AKAP6: variants seen among roughly 807,000 people sequenced by gnomAD.
AKAP6 encodes the protein A-kinase anchoring protein 6.
In AKAP6, 58 loss-of-function variants were observed where a neutral mutation model predicts 188.5. The observed-to-expected ratio is 0.31, with a 90% CI of 0.25 to 0.38. The LOEUF (loss-of-function observed/expected upper bound fraction) is 0.38. Among genes scored for constraint, AKAP6 ranks in the 10% least tolerant of loss-of-function variants. The pLI is 1.00. For missense variants in AKAP6, 2,710 were observed against 2,740.0 expected (o/e 0.99, Z 0.24); for synonymous variants, 989 against 998.6 (o/e 0.99, Z 0.18).
At chr14:32,591,965 A>G (rs1388168798) in intron 5 of AKAP6, among the ~76,000 whole-genome samples, 1 of 152,212 alleles carries the variant, frequency 6.6e-6, no homozygotes, top group East Asian at 1.9e-4. Context: ...TTACATGGCA[A>G]TTACGCTGGG....
At chr14:32,784,530 T>C (rs1009015771) in intron 12 of AKAP6, among the ~76,000 whole-genome samples, 2 of 152,182 alleles carry the variant, frequency 1.3e-5, no homozygotes, top group Non-Finnish European at 2.9e-5. Context: ...ATTAGTTTTG[T>C]TTGTCTAACT....
chr14:32,628,739 A>G (rs1887131019), intron 7 of AKAP6, among the ~76,000 whole-genome samples: 1 of 151,346 alleles, frequency 6.6e-6, no homozygotes, highest in Non-Finnish European at 1.5e-5. Flanking sequence ...GAAATAGAAA[A>G]AAAGTCCAAA....
chr14:32,394,468 G>A (rs1888809842), intron 1 of AKAP6, among the ~76,000 whole-genome samples: 1 of 152,320 alleles, frequency 6.6e-6, no homozygotes, highest in East Asian at 1.9e-4. Context: ...TGGAACATCA[G>A]TGTCAGAGTC....
At chr14:32,764,917 T>C (rs2032660979) in intron 11 of AKAP6, among the ~76,000 whole-genome samples, 1 of 151,718 alleles carries the variant, frequency 6.6e-6, no homozygotes, top group Non-Finnish European at 1.5e-5. Context: ...GGCTATTATT[T>C]TGCATTCAAG....
At chr14:32,653,912 G>T (rs1174015890) in intron 7 of AKAP6, among the ~76,000 whole-genome samples, 1 of 152,084 alleles carries the variant, frequency 6.6e-6, no homozygotes. Flanking sequence ...AGTTGAATGA[G>T]TGGCACTTTC....
chr14:32,352,095 G>GTATGTT (rs1434389166), intron 1 of AKAP6, among the ~76,000 whole-genome samples: 51 of 114,830 alleles, frequency 4.4e-4, no homozygotes, highest in South Asian at 1.5e-3. Context: ...GTGTGTGTGT[G>GTATGTT]TGTGTGTTTG....
At chr14:32,611,340 G>A (rs1489020705) in intron 7 of AKAP6, among the ~76,000 whole-genome samples, 1 of 152,176 alleles carries the variant, frequency 6.6e-6, no homozygotes, top group Non-Finnish European at 1.5e-5. Flanking sequence ...CCTGGGCATA[G>A]ATATTTTTGT....
At chr14:32,593,093 T>G (rs1174574393) in intron 5 of AKAP6, among the ~76,000 whole-genome samples, 1 of 151,244 alleles carries the variant, frequency 6.6e-6, no homozygotes, top group Non-Finnish European at 1.5e-5. Context: ...AGGGACCATG[T>G]CTATCTTGTT....
At position 32,821,960 on chromosome 14, in the gene AKAP6, C is replaced by A; in HGVS notation, c.4147C>A (p.Leu1383Ile). ...CACTACCAACTCTGAAATGTGCTTG[C>A]TCAATGCAGTGGATGGGTCCCCAAG... ...ETTTNSEMCL[L>I]NAVDGSPSNL... Residue 1383 changes from leucine (L) to isoleucine (I), a missense_variant, in exon 13 of 14, where the codon CTC becomes ATC. Leu to Ile is a conservative substitution (Grantham distance 5). Around this residue, in one of 2 missense-constraint regions of AKAP6, gnomAD observed 2,473 missense variants for 2,426.1 expected, o/e 1.02. Coordinates refer to ENST00000280979, the MANE Select transcript of AKAP6 (RefSeq NM_004274.5). 5 of 1,613,984 alleles carry A rather than the reference C, an allele frequency of 3.1e-6. No individual in the cohort carries two copies. Among genetic ancestry groups the A allele is most frequent in the Non-Finnish European group, 4.2e-6 (5 of 1,179,948 alleles).
At chr14:32,602,902 A>G (rs1405415253) in intron 7 of AKAP6, among the ~76,000 whole-genome samples, 1 of 152,194 alleles carries the variant, frequency 6.6e-6, no homozygotes. Context: ...GGCACTGCTC[A>G]GGGCCAAGTG....
intron 3 of AKAP6, among the ~76,000 whole-genome samples, chr14:32,537,733 AGCTGGAG>A: frequency 3.3e-5 from 5 of 152,208 alleles, no homozygotes; most frequent in Admixed American, 1.3e-4. Flanking sequence ...CTGTTGTAGG[AGCTGGAG>A]ATATAGCAGT....
At chr14:32,592,175 T>G (rs1594768530) in intron 5 of AKAP6, among the ~76,000 whole-genome samples, 1 of 152,224 alleles carries the variant, frequency 6.6e-6, no homozygotes, top group African/African-American at 2.4e-5. Flanking sequence ...CATGCATTCA[T>G]TTCCCTGAAC....
chr14:32,770,798 C>G (rs1424419899), intron 11 of AKAP6, among the ~76,000 whole-genome samples: 5 of 152,176 alleles, frequency 3.3e-5, no homozygotes, highest in African/African-American at 4.8e-5. Flanking sequence ...CCAGTAGACT[C>G]TCAACTCCTT....
chr14:32,727,849 T>G (rs2139813196), intron 9 of AKAP6, among the ~76,000 whole-genome samples: 1 of 152,334 alleles, frequency 6.6e-6, no homozygotes, highest in South Asian at 2.1e-4. Context: ...TAACAACTAT[T>G]ATTTGTCTTG....
At chr14:32,797,796 AC>A (rs1040619535) in intron 12 of AKAP6, among the ~76,000 whole-genome samples, 2 of 152,114 alleles carry the variant, frequency 1.3e-5, no homozygotes, top group Non-Finnish European at 2.9e-5. Flanking sequence ...GAAAAAAAAA[AC>A]AACCCTAGAA....
At chr14:32,770,195 T>G (rs979767689) in intron 11 of AKAP6, among the ~76,000 whole-genome samples, 2 of 152,186 alleles carry the variant, frequency 1.3e-5, no homozygotes, top group Admixed American at 6.5e-5. Context: ...ACAAAAGCCT[T>G]AAGCCTGTTG....
intron 11 of AKAP6, among the ~76,000 whole-genome samples, chr14:32,765,678 T>A (rs1293936869): frequency 6.7e-6 from 1 of 150,086 alleles, no homozygotes; most frequent in Non-Finnish European, 1.5e-5. Context: ...TAGTAATGAC[T>A]CTATCCGAGG....
intron 12 of AKAP6, among the ~76,000 whole-genome samples, chr14:32,803,279 A>AT (rs1245288749): frequency 9.1e-6 from 1 of 110,406 alleles, no homozygotes; most frequent in African/African-American, 3.4e-5. Flanking sequence ...CCCCGTCTCT[A>AT]TAAAAAAAAA....
At chr14:32,342,178 T>C (rs1283474168) in intron 1 of AKAP6, among the ~76,000 whole-genome samples, 1 of 152,186 alleles carries the variant, frequency 6.6e-6, no homozygotes, top group African/African-American at 2.4e-5. Flanking sequence ...ATTTCTAGCC[T>C]CTGATTATTT....
Sources: allele counts gnomAD v4.1 joint callset (sites outside exome capture counted in the v4.1 genomes callset), GRCh38; gene constraint gnomAD v4.1.1; regional missense constraint gnomAD v4.1.1; transcripts MANE v1.5; gene names NCBI Gene and HGNC (gene_info 2026-07-23, HGNC 2026-07-21).